The following MCF2L variants were observed in gnomAD, a reference collection of about 807,000 sequenced individuals.
MCF2L encodes the protein guanine nucleotide exchange factor DBS.
In MCF2L, 97 loss-of-function variants were observed where a neutral mutation model predicts 153.4. The ratio of observed to expected loss-of-function variants is 0.63; its 90% CI spans 0.54 to 0.75. The LOEUF (loss-of-function observed/expected upper bound fraction) is 0.75, where lower values mean the gene tolerates loss of function less well. MCF2L is among the 30% of genes least tolerant of loss of function. The pLI is 0.00. For missense variants in MCF2L, 1,347 were observed against 1,495.2 expected (o/e 0.90, Z 1.64); for synonymous variants, 659 against 632.2 (o/e 1.04, Z -0.64).
At chr13:112,903,645 G>A (rs1244530164) in intron 2 of MCF2L, among the ~76,000 whole-genome samples, 1 of 152,190 alleles carries the variant, frequency 6.6e-6, no homozygotes, top group African/African-American at 2.4e-5. Context: ...AGTCACCCCA[G>A]TCAGGGTATG....
intron 15 of MCF2L, among the ~76,000 whole-genome samples, chr13:113,078,950 G>A (rs1002687633): frequency 5.9e-5 from 9 of 152,220 alleles, no homozygotes; most frequent in Admixed American, 1.3e-4. Flanking sequence ...CACACACGCC[G>A]CACACACACC....
At chr13:112,910,958 G>A (rs545921918) in intron 2 of MCF2L, among the ~76,000 whole-genome samples, 3 of 129,930 alleles carry the variant, frequency 2.3e-5, no homozygotes, top group South Asian at 5.4e-4. Flanking sequence ...TGAAGCCGCA[G>A]CCAAAACGCA....
rs894021443 is a variant in MCF2L at position 112,980,846 on chromosome 13, T to A, written c.79+11388T>A. 2.0e-5 allele frequency among the ~76,000 whole-genome samples: 3 copies of A among 152,204 alleles called. No homozygotes were observed. In the South Asian group the frequency reaches 6.2e-4, roughly 31 times the overall value. ...GAGGGAGGCAGCCAGGGGCTGTGCG[T>A]GAATCCCGCACACGCCAGGGTGTCC... On this transcript the variant is annotated intron_variant, in intron 1 of 29. Transcript: ENST00000535094.
At chr13:112,946,162 T>C (rs1034649998) in intron 2 of MCF2L, among the ~76,000 whole-genome samples, 2 of 152,220 alleles carry the variant, frequency 1.3e-5, no homozygotes, top group African/African-American at 4.8e-5. Flanking sequence ...ATCTTTTTAT[T>C]TGAAATGTCA....
chr13:113,021,726 A>G (rs2084897818), intron 2 of MCF2L, among the ~76,000 whole-genome samples: 1 of 152,156 alleles, frequency 6.6e-6, no homozygotes, highest in Non-Finnish European at 1.5e-5. Context: ...CTCCGCGTCC[A>G]GCGGTGTTTT....
intron 1 of MCF2L, among the ~76,000 whole-genome samples, chr13:112,896,262 C>T (rs559456514): frequency 6.6e-6 from 1 of 152,092 alleles, no homozygotes; most frequent in East Asian, 1.9e-4. Flanking sequence ...GAATTCAGGT[C>T]TCTTCACCGC....
In MCF2L at chr13:113,077,057, C is replaced by T. The variant is rs142710507; in HGVS notation, c.1506C>T (p.His502=). The T allele has an allele frequency of 1.9e-5, 30 of 1,610,308 alleles. No individual in the cohort carries two copies. The highest frequency in any genetic ancestry group is 1.8e-4 in the East Asian group (8 of 44,814). Residue 502 remains histidine, a synonymous_variant, in exon 13 of 30, where the codon CAC becomes CAT. Transcript: ENST00000535094. ...TACTGAGCATGCGGTTTCAGGAGCA[C>T]GTGCGAAAGGTCTTCCAGAAGCAGG... ...ESILNQDLME[H]VRKVFQKQAS...
chr13:112,894,770 G>A (rs1365037267), intron 1 of MCF2L, among the ~76,000 whole-genome samples: 1 of 152,128 alleles, frequency 6.6e-6, no homozygotes, highest in Non-Finnish European at 1.5e-5. Flanking sequence ...CCCCTGGACG[G>A]GCTTCTGCCG....
At chr13:113,033,092 TGAGTGGCTGCCATGAC>T (rs1433269792) in intron 3 of MCF2L, among the ~76,000 whole-genome samples, 6 of 138,540 alleles carry the variant, frequency 4.3e-5, no homozygotes, top group African/African-American at 1.7e-4. Flanking sequence ...CCCCGTGGCA[TGAGTGGCTGCCATGAC>T]GTGAGTGGCC....
intron 1 of MCF2L, among the ~76,000 whole-genome samples, chr13:112,988,586 G>A (rs1204788501): frequency 7.1e-6 from 1 of 139,968 alleles, no homozygotes; most frequent in African/African-American, 2.7e-5. Context: ...GATGGGCTAC[G>A]ACACTGGAGT....
In MCF2L at chr13:113,044,638, G is replaced by A. The variant is rs369957154; in HGVS notation, c.279-633G>A. On this transcript the variant is annotated intron_variant, in intron 3 of 29. Coordinates refer to ENST00000535094, the MANE Select transcript of MCF2L (RefSeq NM_001112732.3). ...CCCACGGAAGAGGGCTCTCCGCACC[G>A]ACTCTGTGACTCAGGCTTCTACTAC... 2,040 of 1,607,090 alleles carry A rather than the reference G, an allele frequency of 1.3e-3. 2 individuals are homozygous for A. The highest frequency in any genetic ancestry group is 1.6e-3 in the Non-Finnish European group (1,892 of 1,177,794).
chr13:112,968,825 C>A (rs1345400354), upstream of MCF2L: 3 of 1,286,146 alleles, frequency 2.3e-6, no homozygotes, highest in East Asian at 3.1e-5. Flanking sequence ...GACCCGGAAC[C>A]GGGGGGAAGG....
chr13:112,968,347 T>C, upstream of MCF2L: 1 of 1,356,886 alleles, frequency 7.4e-7, no homozygotes, highest in East Asian at 2.7e-5. Context: ...GCTCAGAGAG[T>C]TTCTTGCATA....
rs1347570124 is a variant in MCF2L, at chr13:113,060,588, C to T, written c.370-5C>T. On this transcript the variant is annotated splice_polypyrimidine_tract_variant and splice_region_variant and intron_variant, in intron 4 of 29. Coordinates refer to ENST00000535094, the MANE Select transcript of MCF2L (RefSeq NM_001112732.3). Reference sequence around the variant, plus strand: ...CAGGCCCTTGTCTCTCGCCCTCTCTCACAGGCATCTTTCCCGGCAAACCTG... The same window carrying T: ...CAGGCCCTTGTCTCTCGCCCTCTCTTACAGGCATCTTTCCCGGCAAACCTG... 2 of 1,612,660 alleles carry T rather than the reference C, an allele frequency of 1.2e-6. No homozygotes were observed. Among genetic ancestry groups the T allele is most frequent in the Non-Finnish European group, 1.7e-6 (2 of 1,179,934 alleles).
intron 3 of MCF2L, chr13:113,044,859 G>C (rs757479815): frequency 6.2e-7 from 1 of 1,612,920 alleles, no homozygotes; most frequent in South Asian, 1.1e-5. Flanking sequence ...GGACCAGCAC[G>C]GGCACCTCAG....
Position 112,993,553 on chromosome 13 carries a change from A to C in MCF2L, c.80-21210A>C, listed in dbSNP as rs1202503667. ...CCAGGATCGCAGCCACAGAAGTGGC[A>C]GTGGGAGGGGAGGGGGAGGGTGCCT... is the stretch of plus-strand genomic sequence containing the variant. On this transcript the variant is annotated intron_variant, in intron 1 of 29. Transcript: ENST00000535094. This position sits in a 1 kb window ranked among gnomAD's most constrained non-coding sequence, Gnocchi z 4.6. Among the ~76,000 whole-genome samples, 2 of 151,216 alleles carry C rather than the reference A, an allele frequency of 1.3e-5. No homozygotes were observed. Among genetic ancestry groups the C allele is most frequent in the Non-Finnish European group, 2.9e-5 (2 of 67,824 alleles).
intron 1 of MCF2L, among the ~76,000 whole-genome samples, chr13:112,971,116 C>T (rs559767912): frequency 2.0e-5 from 3 of 152,148 alleles, no homozygotes; most frequent in Admixed American, 1.3e-4. Context: ...TACTGCTCAG[C>T]GGAGGCAAGT....
chr13:113,085,389 C>T (rs1242647041), intron 20 of MCF2L, among the ~76,000 whole-genome samples: 1 of 152,216 alleles, frequency 6.6e-6, no homozygotes, highest in Non-Finnish European at 1.5e-5. Context: ...GAGTCCCCGT[C>T]CCCATGGGTT....
intron 5 of MCF2L, among the ~76,000 whole-genome samples, chr13:113,061,731 C>T (rs1458045041): frequency 3.0e-5 from 3 of 99,796 alleles, no homozygotes; most frequent in Non-Finnish European, 6.2e-5. Context: ...CCTTGCCCTC[C>T]CCTCCCTCTT....
Sources: allele counts gnomAD v4.1 joint callset (sites outside exome capture counted in the v4.1 genomes callset), GRCh38; gene constraint gnomAD v4.1.1; non-coding constraint Gnocchi (gnomAD v3.1); transcripts MANE v1.5; gene names NCBI Gene and HGNC (gene_info 2026-07-23, HGNC 2026-07-21).